Variants in IL23R observed in about 807,000 individuals in gnomAD.
The protein encoded by IL23R is interleukin-23 receptor.
IL23R carries 34 observed loss-of-function variants against 56.9 expected under a neutral mutation model. The ratio of observed to expected loss-of-function variants is 0.60; its 90% confidence interval spans 0.45 to 0.80. IL23R has a LOEUF of 0.80. Ranked by LOEUF, IL23R falls within the 30% of genes least tolerant of loss-of-function variation. The pLI, the probability that IL23R is intolerant of heterozygous loss-of-function variation, is 0.00. For synonymous variants in IL23R, 230 were observed against 249.2 expected (o/e 0.92, Z 0.73); for missense variants, 635 against 730.0 (o/e 0.87, Z 1.50).
At chr1:67,224,770 A>C (rs1482333810) in intron 7 of IL23R, among the ~76,000 whole-genome samples, 2 of 152,350 alleles carry the variant, frequency 1.3e-5, no homozygotes, top group East Asian at 3.9e-4. Context: ...ATTCTATCTG[A>C]TATAATAGCA....
At chr1:67,197,669 GT>G (rs1385412897) in intron 4 of IL23R, among the ~76,000 whole-genome samples, 2 of 152,188 alleles carry the variant, frequency 1.3e-5, no homozygotes, top group Non-Finnish European at 2.9e-5. Flanking sequence ...TCTAGACCAG[GT>G]GTGGTGGCTC....
At chr1:67,166,650 G>C (rs1245482353) in intron 1 of IL23R, 109 bp downstream of exon 1, 1 of 152,288 alleles carries the variant, frequency 6.6e-6, no homozygotes, top group African/African-American at 2.4e-5. Flanking sequence ...TCCATGCAGT[G>C]GTTACTGATG....
chr1:67,141,715 G>A lies in IL23R; in HGVS notation c.-634+2554G>A, dbSNP rs186570243. On this transcript the variant is annotated intron_variant, in intron 1 of 10. Coordinates refer to the IL23R transcript ENST00000637002. ...TGAGGCTGCAGTGAGCTGAGATCAC[G>A]CCACTGCACACCAGCCTGGGTGACA... 2.5e-3 allele frequency among the ~76,000 whole-genome samples: 377 copies of A among 152,274 alleles called. 1 individual carries two copies. The highest frequency in any genetic ancestry group is 8.5e-3 in the African/African-American group (354 of 41,544).
At chr1:67,179,925 A>C (rs4739443) in intron 3 of IL23R, among the ~76,000 whole-genome samples, 1 of 152,010 alleles carries the variant, frequency 6.6e-6, no homozygotes, top group Admixed American at 6.6e-5. Flanking sequence ...GTAGTTGAGC[A>C]GTTTTGAGTG....
At chr1:67,169,001 C>T (rs113130263) in intron 2 of IL23R, among the ~76,000 whole-genome samples, 3,165 of 151,908 alleles carry the variant, frequency 0.021, 100 homozygotes, top group African/African-American at 0.072. Context: ...ATTAGCCGGG[C>T]GTGGTGGTGC....
chr1:67,221,760 T>A (rs938716621), intron 7 of IL23R, among the ~76,000 whole-genome samples: 1 of 152,256 alleles, frequency 6.6e-6, no homozygotes, highest in African/African-American at 2.4e-5. Context: ...TTGTGTTTTA[T>A]GTTTTCAAGG....
intron 7 of IL23R, among the ~76,000 whole-genome samples, chr1:67,233,195 C>CAAAAA (rs34125353): frequency 3.7e-5 from 2 of 53,642 alleles, no homozygotes; most frequent in East Asian, 5.8e-4. Context: ...CTAAAAATTC[C>CAAAAA]AAAAAAAAAA....
At chr1:67,240,681 G>C (rs780503053) in intron 9 of IL23R, among the ~76,000 whole-genome samples, 1 of 152,198 alleles carries the variant, frequency 6.6e-6, no homozygotes, top group African/African-American at 2.4e-5. Context: ...CTTGAGAGTG[G>C]TGAAGTCACA....
chr1:67,260,159 A>G (rs893761688), downstream of IL23R, among the ~76,000 whole-genome samples: 3 of 151,986 alleles, frequency 2.0e-5, no homozygotes, highest in Admixed American at 6.6e-5. Flanking sequence ...CCTACTCTCC[A>G]GGTATTAGGG....
At chr1:67,232,024 G>GA (rs1314428798) in intron 7 of IL23R, among the ~76,000 whole-genome samples, 2 of 151,894 alleles carry the variant, frequency 1.3e-5, no homozygotes, top group Non-Finnish European at 1.5e-5. Flanking sequence ...TGTCTCAAAA[G>GA]AAAAAAATTG....
intron 9 of IL23R, among the ~76,000 whole-genome samples, chr1:67,249,878 A>G (rs1652499444): frequency 6.6e-6 from 1 of 152,204 alleles, no homozygotes; most frequent in Non-Finnish European, 1.5e-5. Flanking sequence ...AATTTTTGTT[A>G]AAAAGCAGAT....
intron 3 of IL23R, among the ~76,000 whole-genome samples, chr1:67,179,616 C>T (rs993518165): frequency 1.3e-5 from 2 of 151,968 alleles, no homozygotes; most frequent in Non-Finnish European, 2.9e-5. Flanking sequence ...GTCTCTATTT[C>T]CTTCAGTTCT....
At chr1:67,154,121 G>C (rs1463219692) in intron 1 of IL23R, among the ~76,000 whole-genome samples, 3 of 152,228 alleles carry the variant, frequency 2.0e-5, no homozygotes, top group Non-Finnish European at 4.4e-5. Context: ...TGGTCTGAGA[G>C]ACTGTTTGTT....
chr1:67,207,602 G>T, intron 6 of IL23R: 1 of 383,018 alleles, frequency 2.6e-6, no homozygotes, highest in East Asian at 8.8e-5. Flanking sequence ...AGAGGTTTCC[G>T]CTTTTGCTTC....
chr1:67,166,153 T>C (rs1013185619), upstream of IL23R, among the ~76,000 whole-genome samples: 2 of 152,230 alleles, frequency 1.3e-5, no homozygotes, highest in African/African-American at 2.4e-5. Flanking sequence ...ATAACAATGC[T>C]GGTTGTAAAT....
chr1:67,196,810 G>A (rs1648189681), intron 4 of IL23R, among the ~76,000 whole-genome samples: 1 of 152,154 alleles, frequency 6.6e-6, no homozygotes, highest in South Asian at 2.1e-4. Flanking sequence ...GTAATTGGTT[G>A]GCTCTTAAAG....
At chr1:67,240,865 AT>A (rs1301259314) in intron 9 of IL23R, among the ~76,000 whole-genome samples, 1 of 152,198 alleles carries the variant, frequency 6.6e-6, no homozygotes, top group Non-Finnish European at 1.5e-5. Context: ...ACACATAGAA[AT>A]TGGCAGTGAG....
intron 1 of IL23R, among the ~76,000 whole-genome samples, chr1:67,150,973 T>C (rs1259512447): frequency 1.6e-4 from 24 of 152,226 alleles, no homozygotes; most frequent in Admixed American, 1.6e-3. Flanking sequence ...ATCTACCTAG[T>C]AATGAGATGC....
At chr1:67,236,848 G>A (rs1411137869) in intron 8 of IL23R, 46 bp downstream of exon 8, 2 of 1,259,472 alleles carry the variant, frequency 1.6e-6, no homozygotes, top group East Asian at 2.3e-5. Flanking sequence ...TTTAGTAATT[G>A]CCCATTTTAA....
Sources: allele counts gnomAD v4.1 joint callset (sites outside exome capture counted in the v4.1 genomes callset), GRCh38; gene constraint gnomAD v4.1.1; transcripts MANE v1.5; gene names NCBI Gene and HGNC (gene_info 2026-07-23, HGNC 2026-07-21).